Variants in ADAMTS9 observed in about 807,000 individuals in gnomAD.
The protein encoded by ADAMTS9 is A disintegrin and metalloproteinase with thrombospondin motifs 9.
ADAMTS9 carries 107 observed loss-of-function variants against 257.1 expected under a neutral mutation model. The ratio of observed to expected loss-of-function variants is 0.42; its 90% CI spans 0.36 to 0.49. The LOEUF (loss-of-function observed/expected upper bound fraction) is 0.49. Ranked by LOEUF, ADAMTS9 falls within the 20% of genes least tolerant of loss-of-function variation. The pLI is 0.03. For missense variants in ADAMTS9, 2,353 were observed against 2,469.1 expected (o/e 0.95, Z 1.00); for synonymous variants, 982 against 880.9 (o/e 1.11, Z -2.03).
chr3:64,587,975 C>T (rs1168304794), intron 28 of ADAMTS9: 1 of 152,110 alleles, frequency 6.6e-6, no homozygotes, highest in African/African-American at 2.4e-5. Context: ...ATTAGGTTCT[C>T]CACTCATCCT....
rs767458985 is a variant in ADAMTS9, at chr3:64,633,501, T to C, written c.2146A>G (p.Asn716Asp). 1 of 1,614,102 alleles carries C rather than the reference T, an allele frequency of 6.2e-7. No individual in the cohort carries two copies. Among genetic ancestry groups the C allele is most frequent in the Non-Finnish European group, 8.5e-7 (1 of 1,180,000 alleles). ...IDGTPCGQDT[N>D]DICVQGLCRQ... Reference sequence around the variant, plus strand: ...CAAAGGCCCTGGACACAGATATCATTTGTGTCCTGGCCACAAGGAGTTCCA... The same window carrying C: ...CAAAGGCCCTGGACACAGATATCATCTGTGTCCTGGCCACAAGGAGTTCCA... Residue 716 changes from asparagine (N) to aspartate (D), a missense_variant, in exon 14 of 40, where the codon AAT becomes GAT. Asn to Asp is a conservative substitution (Grantham distance 23). This residue lies in a region of ADAMTS9 where 360 missense variants were observed against 458.1 expected (regional missense o/e 0.79). Transcript: ENST00000498707.
intron 29 of ADAMTS9, among the ~76,000 whole-genome samples, chr3:64,564,226 T>C (rs1319677465): frequency 6.6e-6 from 1 of 152,218 alleles, no homozygotes; most frequent in Non-Finnish European, 1.5e-5. Flanking sequence ...ACTCCTGAGC[T>C]GGGAGCTATG....
At chr3:64,657,514 T>A (rs1701107318) in intron 4 of ADAMTS9, among the ~76,000 whole-genome samples, 2 of 151,510 alleles carry the variant, frequency 1.3e-5, no homozygotes, top group Non-Finnish European at 2.9e-5. Flanking sequence ...AATTGGTTTT[T>A]TTTTTTAATA....
chr3:64,673,289 C>T (rs983246301), intron 3 of ADAMTS9, among the ~76,000 whole-genome samples: 2 of 152,160 alleles, frequency 1.3e-5, no homozygotes, highest in Non-Finnish European at 2.9e-5. Flanking sequence ...CTGCCTTTCC[C>T]TTCAATTAAA....
chr3:64,521,257 A>G (rs2082847857), intron 39 of ADAMTS9, among the ~76,000 whole-genome samples: 1 of 152,200 alleles, frequency 6.6e-6, no homozygotes, highest in South Asian at 2.1e-4. Context: ...ATAACATCTC[A>G]TGCCAATCAG....
intron 19 of ADAMTS9, among the ~76,000 whole-genome samples, chr3:64,617,608 T>G (rs1229033233): frequency 6.6e-6 from 1 of 152,220 alleles, no homozygotes; most frequent in Non-Finnish European, 1.5e-5. Flanking sequence ...TTCCAAAGTG[T>G]TGTTACTAAG....
rs1246180301 is a variant in ADAMTS9 at position 64,603,787 on chromosome 3, A to C, written c.3747+135T>G. ...AACTACACATAAGTGGAGCAGCACA[A>C]TTTAAATCATAAGACAAATCCAGCT... On this transcript the variant is annotated intron_variant, in intron 25 of 39. Transcript: ENST00000498707. 9.4e-6 allele frequency: 10 copies of C among 1,066,694 alleles called. No homozygotes were observed. In the Admixed American group the frequency reaches 2.2e-4, roughly 23 times the overall value. 66.1% of individuals were successfully genotyped at this position (1,066,694 alleles called of 1,614,324 possible).
chr3:64,613,270 G>C lies in ADAMTS9; in HGVS notation c.3354+75C>G, dbSNP rs2084700974. The C allele has an allele frequency of 2.6e-6, 4 of 1,549,220 alleles. 1 individual carries two copies. In the South Asian group the frequency reaches 3.7e-5, roughly 14 times the overall value. On this transcript the variant is annotated intron_variant, in intron 22 of 39. Transcript: ENST00000498707. ...CACAGCGGTTAAATCTCCACCACTGGAATGCTCCTTTGCAAGTCCTCTCCA... is the reference window on the plus strand; with the variant it reads ...CACAGCGGTTAAATCTCCACCACTGCAATGCTCCTTTGCAAGTCCTCTCCA...
At chr3:64,598,987 C>T (rs772230184) in intron 26 of ADAMTS9, among the ~76,000 whole-genome samples, 6 of 152,138 alleles carry the variant, frequency 3.9e-5, no homozygotes, top group Admixed American at 1.3e-4. Flanking sequence ...GGTATTCTCT[C>T]TCCAATATGT....
At chr3:64,620,189 C>T (rs903701725) in intron 19 of ADAMTS9, among the ~76,000 whole-genome samples, 4 of 152,134 alleles carry the variant, frequency 2.6e-5, no homozygotes, top group Non-Finnish European at 5.9e-5. Context: ...ATAACTGCTC[C>T]TCTCACTTCC....
intron 28 of ADAMTS9, chr3:64,587,446 TTAGAG>T (rs2106770831): frequency 6.6e-6 from 1 of 152,320 alleles, no homozygotes; most frequent in South Asian, 2.1e-4. Context: ...AGGTAGCTAT[TTAGAG>T]TAATTTAAAA....
At chr3:64,655,960 C>A in intron 4 of ADAMTS9, 85 bp from the exon 5 acceptor site, 1 of 779,290 alleles carries the variant, frequency 1.3e-6, no homozygotes, top group South Asian at 2.4e-5. Context: ...GGCTCCACCT[C>A]TTTTTTACGT....
intron 38 of ADAMTS9, among the ~76,000 whole-genome samples, chr3:64,526,526 G>A (rs1281342456): frequency 6.6e-6 from 1 of 152,194 alleles, no homozygotes; most frequent in South Asian, 2.1e-4. Flanking sequence ...AACTGAATTT[G>A]ATGCCAGACT....
At chr3:64,659,473 C>CAAA (rs60660621) in intron 3 of ADAMTS9, among the ~76,000 whole-genome samples, 2 of 90,666 alleles carry the variant, frequency 2.2e-5, no homozygotes, top group Non-Finnish European at 2.2e-5. Flanking sequence ...CTGTCTCAAA[C>CAAA]AAAAAAAAAA....
At chr3:64,542,029 G>T in intron 32 of ADAMTS9, 59 bp from the exon 33 acceptor site, 2 of 1,606,922 alleles carry the variant, frequency 1.2e-6, no homozygotes, top group Admixed American at 3.4e-5. Context: ...ATAGGCTTCT[G>T]GTGGTGTGGA....
chr3:64,630,428 C>T (rs549825480), intron 16 of ADAMTS9, among the ~76,000 whole-genome samples: 2 of 152,212 alleles, frequency 1.3e-5, no homozygotes, highest in African/African-American at 4.8e-5. Flanking sequence ...AAATAAAAAA[C>T]AACTAGCTGT....
intron 16 of ADAMTS9, among the ~76,000 whole-genome samples, chr3:64,623,885 T>C (rs938565772): frequency 6.6e-6 from 1 of 152,078 alleles, no homozygotes; most frequent in Non-Finnish European, 1.5e-5. Context: ...ATGAATCTAC[T>C]CCAGATCTTG....
chr3:64,538,479 A>T (rs1327679391), intron 37 of ADAMTS9, among the ~76,000 whole-genome samples: 1 of 137,978 alleles, frequency 7.2e-6, no homozygotes, highest in Non-Finnish European at 1.6e-5. Context: ...ACATTAAATT[A>T]AAAAAAAAAA....
At chr3:64,560,278 G>T (rs912419622) in intron 30 of ADAMTS9, among the ~76,000 whole-genome samples, 34 of 152,114 alleles carry the variant, frequency 2.2e-4, no homozygotes, top group African/African-American at 8.2e-4. Flanking sequence ...AAATGTAACT[G>T]CTTTAGGCAT....
Sources: allele counts gnomAD v4.1 joint callset (sites outside exome capture counted in the v4.1 genomes callset), GRCh38; gene constraint gnomAD v4.1.1; regional missense constraint gnomAD v4.1.1; transcripts MANE v1.5; gene names NCBI Gene and HGNC (gene_info 2026-07-23, HGNC 2026-07-21).